SH3D19: variants seen among roughly 807,000 people sequenced by gnomAD.
SH3D19 encodes the protein SH3 domain-containing protein 19.
Under a neutral mutation model 112.1 loss-of-function variants are expected in SH3D19, and 58 were observed. That is an observed-to-expected ratio of 0.52 (90% CI 0.42 to 0.64). The LOEUF (loss-of-function observed/expected upper bound fraction) is 0.64, where lower values mean the gene tolerates loss of function less well. Among genes scored for constraint, SH3D19 ranks in the 30% least tolerant of loss-of-function variants. SH3D19 has a pLI of 0.00. For missense variants in SH3D19, 1,090 were observed against 1,263.4 expected (o/e 0.86, Z 2.08); for synonymous variants, 391 against 448.5 (o/e 0.87, Z 1.62).
intron 9 of SH3D19, 120 bp downstream of exon 9, chr4:151,159,120 T>C: frequency 1.8e-6 from 1 of 549,670 alleles, no homozygotes; most frequent in African/African-American, 2.0e-5. Context: ...GACTGGTCTC[T>C]AATAGAGGGT....
intron 1 of SH3D19, among the ~76,000 whole-genome samples, chr4:151,289,039 T>A (rs1284278152): frequency 6.6e-6 from 1 of 152,226 alleles, no homozygotes; most frequent in African/African-American, 2.4e-5. Flanking sequence ...GAGAGACATC[T>A]ATAGATCAAT....
At position 151,149,525 on chromosome 4, in the gene SH3D19, G is replaced by T; in HGVS notation, c.1792C>A (p.Arg598=). The change falls in exon 10 of 20, where the codon CGA becomes AGA. Residue 598 remains arginine, a synonymous_variant. Coordinates refer to ENST00000604030, the MANE Select transcript of SH3D19 (RefSeq NM_001378122.1). ...CTCGGTGGCAACCTTGGGGGTACTC[G>T]CACAAAACCTCCTGTTTGACCTGGG... is the stretch of plus-strand genomic sequence containing the variant. The part of the protein sequence containing the change: ...NHPGQTGGFV[R]VPPRLPPRPV... The T allele has an allele frequency of 9.3e-6, 15 of 1,610,162 alleles. No homozygotes were observed. The highest frequency in any genetic ancestry group is 1.3e-5 in the Non-Finnish European group (15 of 1,178,000).
At chr4:151,137,679 A>G (rs1283498978) in intron 14 of SH3D19, 53 bp downstream of exon 14, 5 of 1,437,736 alleles carry the variant, frequency 3.5e-6, no homozygotes, top group Non-Finnish European at 4.6e-6. Context: ...CCTACAAGTC[A>G]CATAGAACCC....
At chr4:151,315,892 A>G (rs1309604495) in intron 1 of SH3D19, among the ~76,000 whole-genome samples, 1 of 152,204 alleles carries the variant, frequency 6.6e-6, no homozygotes, top group African/African-American at 2.4e-5. Context: ...AGTGTAGCAT[A>G]ACTCTTACTT....
chr4:151,154,793 T>C (rs948167878), intron 9 of SH3D19, among the ~76,000 whole-genome samples: 3 of 152,166 alleles, frequency 2.0e-5, no homozygotes, highest in African/African-American at 7.2e-5. Flanking sequence ...AGTCTTGCTC[T>C]GTTGCCCAGG....
chr4:151,294,940 A>G (rs1290982589), intron 1 of SH3D19, among the ~76,000 whole-genome samples: 1 of 152,152 alleles, frequency 6.6e-6, no homozygotes. Flanking sequence ...AGAGGAGGGA[A>G]GCAAGGACTA....
chr4:151,276,510 G>A (rs909620078), intron 1 of SH3D19, among the ~76,000 whole-genome samples: 1 of 152,138 alleles, frequency 6.6e-6, no homozygotes, highest in African/African-American at 2.4e-5. Flanking sequence ...ATCCTTCTTA[G>A]CTCAGTACAG....
chr4:151,220,941 T>C (rs1767931084), intron 2 of SH3D19, among the ~76,000 whole-genome samples: 2 of 152,208 alleles, frequency 1.3e-5, no homozygotes, highest in South Asian at 4.1e-4. Flanking sequence ...TTTAAACTAG[T>C]AAGGTTGAGA....
chr4:151,314,994 C>T (rs540005160), intron 1 of SH3D19, among the ~76,000 whole-genome samples: 1 of 152,310 alleles, frequency 6.6e-6, no homozygotes, highest in South Asian at 2.1e-4. Context: ...TTACTTGTAT[C>T]TCATTAACAG....
intron 2 of SH3D19, among the ~76,000 whole-genome samples, chr4:151,214,300 C>G (rs1449441829): frequency 6.6e-6 from 1 of 151,330 alleles, no homozygotes; most frequent in African/African-American, 2.4e-5. Flanking sequence ...CATCCGATTT[C>G]TCAATCTTTT....
intron 2 of SH3D19, among the ~76,000 whole-genome samples, chr4:151,191,242 G>A (rs970611901): frequency 1.2e-4 from 19 of 152,210 alleles, no homozygotes; most frequent in African/African-American, 4.6e-4. Context: ...ATAGGCGGAA[G>A]GGACATGCCT....
rs1263191353 is a variant in SH3D19 at position 151,255,025 on chromosome 4, C to T, written c.113-28939G>A. Among the ~76,000 whole-genome samples the T allele has an allele frequency of 1.6e-4, 24 of 149,696 alleles. No individual in the cohort carries two copies. In the South Asian group the frequency reaches 3.8e-3, roughly 24 times the overall value. On this transcript the variant is annotated intron_variant, in intron 1 of 19. Transcript: ENST00000604030. The stretch of plus-strand genomic sequence containing the variant: ...CTCCTCACTTCCCAGTAGGGGCGGC[C>T]GGGCAGAGGCGCCCCTCACCTCCCG...
At chr4:151,161,951 G>A (rs1757238948) in intron 8 of SH3D19, among the ~76,000 whole-genome samples, 1 of 150,386 alleles carries the variant, frequency 6.6e-6, no homozygotes, top group South Asian at 2.1e-4. Context: ...TTTTAATTGA[G>A]CCTTTATTTT....
At chr4:151,198,406 T>C (rs1249557496) in intron 2 of SH3D19, among the ~76,000 whole-genome samples, 4 of 142,082 alleles carry the variant, frequency 2.8e-5, no homozygotes, top group East Asian at 2.0e-4. Flanking sequence ...TATCATATAT[T>C]ATATATTATA....
chr4:151,139,177 G>A lies in SH3D19; in HGVS notation c.2296+598C>T, dbSNP rs1437705337. On this transcript the variant is annotated intron_variant, in intron 13 of 19. Transcript: ENST00000604030. ...TATTTTTTTTTTTCTTTTTTGAGAC[G>A]GAGTCTCGCTCTGTCCCTCGGGCCG... Among the ~76,000 whole-genome samples, 3 of 150,822 alleles carry A rather than the reference G, an allele frequency of 2.0e-5. No homozygotes were observed. In the East Asian group the frequency reaches 5.8e-4, roughly 29 times the overall value.
chr4:151,312,943 G>A (rs1240722409), intron 1 of SH3D19, among the ~76,000 whole-genome samples: 1 of 151,158 alleles, frequency 6.6e-6, no homozygotes, highest in Non-Finnish European at 1.5e-5. Context: ...AAATAAATTA[G>A]CCGGGTGTGG....
chr4:151,296,034 C>CAAAA (rs35741045), intron 1 of SH3D19, among the ~76,000 whole-genome samples: 1 of 125,056 alleles, frequency 8.0e-6, no homozygotes, highest in African/African-American at 3.6e-5. Flanking sequence ...GGCTCCGTCT[C>CAAAA]AAAAAAAAAA....
At chr4:151,187,745 C>T (rs929363823) in intron 2 of SH3D19, among the ~76,000 whole-genome samples, 2 of 152,062 alleles carry the variant, frequency 1.3e-5, no homozygotes, top group African/African-American at 2.4e-5. Context: ...ATCTGGATAC[C>T]ACTCGTAATT....
chr4:151,283,189 A>G, intron 1 of SH3D19: 2 of 1,613,916 alleles, frequency 1.2e-6, no homozygotes, highest in Non-Finnish European at 1.7e-6. Flanking sequence ...GAACAGCTCT[A>G]CAATCCCATC....
Sources: allele counts gnomAD v4.1 joint callset (sites outside exome capture counted in the v4.1 genomes callset), GRCh38; gene constraint gnomAD v4.1.1; transcripts MANE v1.5; gene names NCBI Gene and HGNC (gene_info 2026-07-23, HGNC 2026-07-21).